C4BPA: variants seen among roughly 807,000 people sequenced by gnomAD.
The protein encoded by C4BPA is complement component 4 binding protein alpha, also known as C4b-binding protein alpha chain.
Under a neutral mutation model 63.7 loss-of-function variants are expected in C4BPA, and 31 were observed. The observed-to-expected ratio is 0.49, with a 90% confidence interval of 0.37 to 0.66. The LOEUF (loss-of-function observed/expected upper bound fraction) is 0.66, where lower values mean the gene tolerates loss of function less well. Among genes scored for constraint, C4BPA ranks in the 30% least tolerant of loss-of-function variants. C4BPA has a pLI of 0.00. For synonymous variants in C4BPA, 259 were observed against 254.7 expected, an observed-to-expected ratio of 1.02 and a Z score of -0.16; for missense variants, 572 against 723.3, an observed-to-expected ratio of 0.79 and a Z score of 2.40.
rs191026231 is a variant in C4BPA, at chr1:207,128,506, C to A, written c.889+1611C>A. ...GGATTAGACTGTGAAGCATATTATG[C>A]CCCAGGGAGTTGCTGAAAAAAGTAG... On this transcript the variant is annotated intron_variant, in intron 7 of 11. Coordinates refer to ENST00000367070, the MANE Select transcript of C4BPA (RefSeq NM_000715.4). Among the ~76,000 whole-genome samples, 12 of 152,240 alleles carry A rather than the reference C, an allele frequency of 7.9e-5. No individual in the cohort carries two copies. The East Asian group carries it at 2.3e-3, about 29-fold the overall frequency.
intron 10 of C4BPA, among the ~76,000 whole-genome samples, chr1:207,143,237 A>T (rs1685458889): frequency 6.6e-6 from 1 of 152,066 alleles, no homozygotes; most frequent in African/African-American, 2.4e-5. Flanking sequence ...ATGCAGGAAC[A>T]GAAAACCAAA....
At chr1:207,115,563 A>G (rs1315012033) in intron 4 of C4BPA, 48 bp downstream of exon 4, 8 of 1,023,132 alleles carry the variant, frequency 7.8e-6, no homozygotes, top group Non-Finnish European at 1.1e-5. Flanking sequence ...TTATTTAAAA[A>G]ATAGCTGAAG....
intron 9 of C4BPA, among the ~76,000 whole-genome samples, chr1:207,136,836 TC>T (rs1024212392): frequency 6.6e-6 from 1 of 152,078 alleles, no homozygotes; most frequent in Non-Finnish European, 1.5e-5. Context: ...AACAGTACCC[TC>T]CCCCTACTAG....
chr1:207,143,762 TATC>T (rs1685470353), intron 10 of C4BPA, 53 bp from the exon 11 acceptor site: 13 of 1,217,448 alleles, frequency 1.1e-5, no homozygotes, highest in Non-Finnish European at 1.6e-5. Context: ...CCGAGACTGT[TATC>T]ATGTCCTTCT....
At chr1:207,117,580 C>T (rs1572780158) in intron 4 of C4BPA, among the ~76,000 whole-genome samples, 1 of 152,262 alleles carries the variant, frequency 6.6e-6, no homozygotes, top group South Asian at 2.1e-4. Flanking sequence ...TCCACCAGGC[C>T]TGAGAATTAA....
Position 207,131,750 on chromosome 1 carries a change from TG to T in C4BPA, c.1084+11del, listed in dbSNP as rs754351698. 20 of 1,590,162 alleles carry T rather than the reference TG, an allele frequency of 1.3e-5. No individual in the cohort carries two copies. The highest frequency in any genetic ancestry group is 1.6e-5 in the Non-Finnish European group (19 of 1,164,906). ...TACCAAGGATGTGAGGGTGAGTTTT[TG>T]TTTTTTAATATTTTTGTATATTAAA... On this transcript the variant is annotated intron_variant, in intron 8 of 11. Coordinates refer to ENST00000367070, the MANE Select transcript of C4BPA (RefSeq NM_000715.4).
Position 207,141,265 on chromosome 1 carries a change from C to T in C4BPA, c.1433C>T (p.Pro478Leu). ...CSYSHWSAPAPQCKALCRKPE... is the reference protein window; with the variant it reads ...CSYSHWSAPALQCKALCRKPE... ...TATTCACACTGGTCAGCTCCAGCCC[C>T]TCAATGTAAAGGTAACTCCAGCTTC... Residue 478 changes from proline (P) to leucine (L), a missense_variant, in exon 10 of 12, where the codon CCT (proline) becomes CTT (leucine). Physicochemically the swap from Pro to Leu is moderately conservative, Grantham distance 98 (BLOSUM62 -3). This residue lies in a region of C4BPA where 465 missense variants were observed against 629.4 expected (regional missense o/e 0.74). Coordinates refer to ENST00000367070, the MANE Select transcript of C4BPA (RefSeq NM_000715.4). 6.2e-7 allele frequency: 1 copy of T among 1,612,352 alleles called. No individual in the cohort carries two copies. Among genetic ancestry groups the T allele is most frequent in the Non-Finnish European group, 8.5e-7 (1 of 1,179,360 alleles).
intron 9 of C4BPA, among the ~76,000 whole-genome samples, chr1:207,139,705 T>C (rs144910502): frequency 1.3e-5 from 2 of 152,314 alleles, no homozygotes; most frequent in Admixed American, 6.5e-5. Flanking sequence ...AATTTTTGAA[T>C]TATTGTACCT....
intron 2 of C4BPA, 36 bp from the exon 3 acceptor site, chr1:207,114,064 A>G (rs1001512697): frequency 3.8e-6 from 6 of 1,571,528 alleles, no homozygotes; most frequent in Non-Finnish European, 5.2e-6. Context: ...GTCCCAAGGT[A>G]TAAGTTTTGG....
Position 207,143,745 on chromosome 1 carries a change from T to G in C4BPA, c.1445-73T>G. On this transcript the variant is annotated intron_variant, in intron 10 of 11. Transcript: ENST00000367070. ...TAGCAGAACTAAATACAGTTCATTCTTATTATCCGAGACTGTTATCATGTC... is the reference window on the plus strand; with the variant it reads ...TAGCAGAACTAAATACAGTTCATTCGTATTATCCGAGACTGTTATCATGTC... 4 of 1,036,948 alleles carry G rather than the reference T, an allele frequency of 3.9e-6. No individual in the cohort carries two copies. In the South Asian group the frequency reaches 5.6e-5, roughly 15 times the overall value. 64.2% of individuals were successfully genotyped at this position (1,036,948 alleles called of 1,614,324 possible).
chr1:207,143,880 G>T lies in C4BPA; in HGVS notation c.1507G>T (p.Glu503Ter), dbSNP rs1685473429. The T allele has an allele frequency of 6.2e-7, 1 of 1,613,232 alleles. No individual in the cohort carries two copies. The highest frequency in any genetic ancestry group is 1.3e-5 in the African/African-American group (1 of 74,870). ...RLSVDKDQYVEPENVTIQCDS... is the reference protein window; with the variant it reads ...RLSVDKDQYV Reference sequence around the variant, plus strand: ...GTCTGTGGATAAGGATCAGTATGTTGAGCCTGAAAATGTCACCATCCAATG... The same window carrying T: ...GTCTGTGGATAAGGATCAGTATGTTTAGCCTGAAAATGTCACCATCCAATG... Residue 503 changes from glutamate (E) to a stop codon, truncating the protein, a stop_gained, in exon 11 of 12, where the codon GAG (glutamate) becomes TAG (stop). Transcript: ENST00000367070. LOFTEE classifies it high-confidence loss of function.
At chr1:207,125,119 A>C (rs1685009064) in intron 6 of C4BPA, among the ~76,000 whole-genome samples, 1 of 152,220 alleles carries the variant, frequency 6.6e-6, no homozygotes. Context: ...TTACTAACCC[A>C]CCACAGGACA....
At chr1:207,114,338 G>T in intron 3 of C4BPA, 53 bp downstream of exon 3, 10 of 1,407,472 alleles carry the variant, frequency 7.1e-6, no homozygotes, top group Non-Finnish European at 9.8e-6. Context: ...TTGGAAAGTT[G>T]TCTCAGAAAC....
rs778272366 is a variant in C4BPA at position 207,113,030 on chromosome 1, A to AC, written c.11dup (p.Thr6AsnfsTer8). On this transcript the variant is annotated frameshift_variant, in exon 2 of 12. Coordinates refer to ENST00000367070, the MANE Select transcript of C4BPA (RefSeq NM_000715.4). LOFTEE classifies it high-confidence loss of function. Reference sequence around the variant, plus strand: ...ACATCAGCGAAGCAGCAGGCCATGCACCCCCCAAAAACTCCATCTGGGGCT... The same window carrying AC: ...ACATCAGCGAAGCAGCAGGCCATGCACCCCCCCAAAAACTCCATCTGGGGCT... 1.9e-6 allele frequency: 3 copies of AC among 1,592,398 alleles called. No homozygotes were observed. The highest frequency in any genetic ancestry group is 1.9e-5 in the Admixed American group (1 of 53,134).
chr1:207,120,867 G>C (rs1684907832), intron 4 of C4BPA, among the ~76,000 whole-genome samples: 1 of 152,156 alleles, frequency 6.6e-6, no homozygotes, highest in African/African-American at 2.4e-5. Flanking sequence ...GGAGTGCAGT[G>C]GTGCAGTCTT....
intron 9 of C4BPA, among the ~76,000 whole-genome samples, chr1:207,136,713 T>C (rs1685287140): frequency 6.6e-6 from 1 of 152,182 alleles, no homozygotes. Context: ...CAAAATATGC[T>C]GAATTGGTAT....
intron 10 of C4BPA, 107 bp from the exon 11 acceptor site, chr1:207,143,711 T>TAGC: frequency 1.3e-6 from 1 of 765,716 alleles, no homozygotes; most frequent in Admixed American, 2.6e-5. Flanking sequence ...AAGAGAAAGA[T>TAGC]AGAACAATTA....
chr1:207,114,511 T>TGAGACAGAGTCTAGCTCTGTCTCCCA (rs1684741663), intron 3 of C4BPA, among the ~76,000 whole-genome samples: 1 of 136,712 alleles, frequency 7.3e-6, no homozygotes, highest in Non-Finnish European at 1.5e-5. Context: ...TTTTTTTTTT[T>TGAGACAGAGTCTAGCTCTGTCTCCCA]GAGACAGAGT....
chr1:207,128,710 G>A (rs1240136605), intron 7 of C4BPA, among the ~76,000 whole-genome samples: 2 of 152,198 alleles, frequency 1.3e-5, no homozygotes, highest in East Asian at 3.8e-4. Context: ...GTTAGATGTT[G>A]CACACTTTGA....
Sources: gnomAD v4.1 joint callset for allele counts (sites outside exome capture counted in the v4.1 genomes callset) on GRCh38, gnomAD v4.1.1 for gene constraint, gnomAD v4.1.1 regional missense constraint, MANE v1.5 for transcripts, NCBI Gene and HGNC (gene_info 2026-07-23, HGNC 2026-07-21) for gene names.